The following DIP2C variants were observed in gnomAD, a reference collection of about 807,000 sequenced individuals.
DIP2C encodes DIP2 acetate--CoA ligase C (putative).
Under a neutral mutation model 192.4 loss-of-function variants are expected in DIP2C, and 33 were observed. The observed-to-expected ratio is 0.17, with a 90% CI of 0.13 to 0.23. The LOEUF (loss-of-function observed/expected upper bound fraction) is 0.23. Ranked by LOEUF, DIP2C falls within the 10% of genes least tolerant of loss-of-function variation. DIP2C has a pLI of 1.00. For synonymous variants in DIP2C, 979 were observed against 864.1 expected (o/e 1.13, Z -2.33); for missense variants, 1,537 against 2,110.1 (o/e 0.73, Z 5.32).
At chr10:426,921 C>G (rs951912804) in intron 4 of DIP2C, among the ~76,000 whole-genome samples, 1 of 151,754 alleles carries the variant, frequency 6.6e-6, no homozygotes, top group Admixed American at 6.6e-5. Flanking sequence ...GATCACAGAC[C>G]TAAATGAAAG....
At chr10:372,099 A>G (rs1961034359) in intron 17 of DIP2C, among the ~76,000 whole-genome samples, 1 of 141,466 alleles carries the variant, frequency 7.1e-6, no homozygotes, top group Non-Finnish European at 1.5e-5. Context: ...TTTTTGAGAC[A>G]CAGTTTCACT....
chr10:685,650 T>C (rs950341173), intron 1 of DIP2C, among the ~76,000 whole-genome samples: 1 of 152,092 alleles, frequency 6.6e-6, no homozygotes, highest in Non-Finnish European at 1.5e-5. Flanking sequence ...CAATCTTTTT[T>C]AAAATAATAA....
rs570204020 is a variant in DIP2C, at chr10:504,973, C to T, written c.86-18443G>A. Among the ~76,000 whole-genome samples, 11 of 152,244 alleles carry T rather than the reference C, an allele frequency of 7.2e-5. No homozygotes were observed. The South Asian group carries it at 8.3e-4, about 12-fold the overall frequency. ...CTCATGTGACTCTCAGTGCTAGGTT[C>T]GTTCATTCATTCATTCATTCATTCA... On this transcript the variant is annotated intron_variant, in intron 1 of 36. Coordinates refer to ENST00000280886, the MANE Select transcript of DIP2C (RefSeq NM_014974.3).
intron 1 of DIP2C, among the ~76,000 whole-genome samples, chr10:540,747 A>C (rs955114847): frequency 7.9e-5 from 12 of 152,334 alleles, no homozygotes; most frequent in Admixed American, 4.6e-4. Context: ...GTAATCTCTA[A>C]TTACTGTCTG....
At chr10:373,198 T>C (rs916526818) in intron 17 of DIP2C, among the ~76,000 whole-genome samples, 1 of 152,152 alleles carries the variant, frequency 6.6e-6, no homozygotes, top group African/African-American at 2.4e-5. Flanking sequence ...AGTGAATCAG[T>C]CTACTGCTCT....
intron 1 of DIP2C, among the ~76,000 whole-genome samples, chr10:612,654 G>A (rs895652092): frequency 4.6e-5 from 7 of 152,098 alleles, no homozygotes; most frequent in African/African-American, 7.2e-5. Context: ...CAAAGGGCCC[G>A]GCCACAGCTC....
chr10:678,858 G>A (rs1247325697), intron 1 of DIP2C, among the ~76,000 whole-genome samples: 1 of 54,868 alleles, frequency 1.8e-5, no homozygotes, highest in Admixed American at 1.9e-4. Flanking sequence ...ACCCATCTCT[G>A]CTCCCCACGC....
chr10:530,828 C>T (rs1006789980), intron 1 of DIP2C, among the ~76,000 whole-genome samples: 1 of 152,216 alleles, frequency 6.6e-6, no homozygotes, highest in South Asian at 2.1e-4. Flanking sequence ...AAGGTTGGCC[C>T]CAAAGCCCCA....
intron 1 of DIP2C, among the ~76,000 whole-genome samples, chr10:535,884 A>T (rs907202936): frequency 6.6e-6 from 1 of 152,260 alleles, no homozygotes; most frequent in East Asian, 1.9e-4. Context: ...TATTATAAAC[A>T]TATACACATA....
At chr10:470,682 A>C (rs1203066025) in intron 3 of DIP2C, among the ~76,000 whole-genome samples, 1 of 152,136 alleles carries the variant, frequency 6.6e-6, no homozygotes, top group Non-Finnish European at 1.5e-5. Context: ...TCGTGGAGAG[A>C]GAGAGAATGT....
rs527246996 is a variant in DIP2C, at chr10:419,334, C to G, written c.605-135G>C. 26 of 1,265,054 alleles carry G rather than the reference C, an allele frequency of 2.1e-5. 1 individual carries two copies. In the South Asian group the frequency reaches 2.3e-4, roughly 11 times the overall value. The allele number at this position is 1,265,054 out of a possible 1,614,324, so 78.4% of individuals were successfully genotyped here. On this transcript the variant is annotated intron_variant, in intron 5 of 36. Coordinates refer to ENST00000280886, the MANE Select transcript of DIP2C (RefSeq NM_014974.3). ...TGCCATGGAAAGCCAGAGCCGATCT[C>G]AGCCGCATCTGCCACACACATCCAG...
chr10:539,222 C>T (rs531271149), intron 1 of DIP2C, among the ~76,000 whole-genome samples: 23 of 152,256 alleles, frequency 1.5e-4, no homozygotes, highest in African/African-American at 5.3e-4. Flanking sequence ...TTGCTGTATT[C>T]GATTCTTAAA....
chr10:336,141 G>T (rs181000919), intron 29 of DIP2C, among the ~76,000 whole-genome samples: 1 of 152,308 alleles, frequency 6.6e-6, no homozygotes. Flanking sequence ...GGCTGAGGTG[G>T]GAGGATAGCT....
At chr10:280,248 G>T (rs1247315940) in intron 36 of DIP2C, among the ~76,000 whole-genome samples, 1 of 152,182 alleles carries the variant, frequency 6.6e-6, no homozygotes, top group African/African-American at 2.4e-5. Context: ...AGCCTTTATT[G>T]CATCTCAGCT....
chr10:547,211 G>A (rs1016311535), intron 1 of DIP2C, among the ~76,000 whole-genome samples: 1 of 152,150 alleles, frequency 6.6e-6, no homozygotes, highest in Non-Finnish European at 1.5e-5. Context: ...AATAAACCCA[G>A]GGAGCTCCCC....
intron 31 of DIP2C, chr10:324,943 G>A (rs1253473421): frequency 1.9e-6 from 1 of 532,958 alleles, no homozygotes; most frequent in Non-Finnish European, 3.8e-6. Flanking sequence ...TTCTCCTACT[G>A]AGCGTACTCC....
At chr10:685,649 T>C (rs1307056382) in intron 1 of DIP2C, among the ~76,000 whole-genome samples, 3 of 152,122 alleles carry the variant, frequency 2.0e-5, no homozygotes, top group Non-Finnish European at 4.4e-5. Context: ...GCAATCTTTT[T>C]TAAAATAATA....
chr10:534,936 A>C (rs1052349122), intron 1 of DIP2C, among the ~76,000 whole-genome samples: 1 of 151,072 alleles, frequency 6.6e-6, no homozygotes, highest in Non-Finnish European at 1.5e-5. Flanking sequence ...TCGGCCTCCC[A>C]AAGTGCTGGG....
At chr10:513,519 A>C (rs1202872712) in intron 1 of DIP2C, among the ~76,000 whole-genome samples, 1 of 152,064 alleles carries the variant, frequency 6.6e-6, no homozygotes, top group African/African-American at 2.4e-5. Context: ...CTCGTCCACC[A>C]CAGCACACCG....
Sources: allele counts gnomAD v4.1 joint callset (sites outside exome capture counted in the v4.1 genomes callset), GRCh38; gene constraint gnomAD v4.1.1; transcripts MANE v1.5; gene names NCBI Gene and HGNC (gene_info 2026-07-23, HGNC 2026-07-21).